BAZ2B: variants seen among roughly 807,000 people sequenced by gnomAD.
BAZ2B encodes the protein bromodomain adjacent to zinc finger domain protein 2B.
BAZ2B carries 91 observed loss-of-function variants against 246.0 expected under a neutral mutation model. That is an observed-to-expected ratio of 0.37 (90% CI 0.31 to 0.44). The LOEUF (loss-of-function observed/expected upper bound fraction) is 0.44. Ranked by LOEUF, BAZ2B falls within the 20% of genes least tolerant of loss-of-function variation. The pLI is 1.00. For missense variants in BAZ2B, 2,332 were observed against 2,533.7 expected, an observed-to-expected ratio of 0.92 and a Z score of 1.71; for synonymous variants, 855 against 860.0, an observed-to-expected ratio of 0.99 and a Z score of 0.10.
At chr2:159,646,075 T>C in the BAZ2B span, among the ~76,000 whole-genome samples, 2 of 152,164 alleles carry the variant, frequency 1.3e-5, no homozygotes, top group South Asian at 4.1e-4. Flanking sequence ...TTCCTCATCC[T>C]AATAAGCCTG....
the BAZ2B span, among the ~76,000 whole-genome samples, chr2:159,676,955 TATATATATATATATA>T: frequency 0.35 from 9,024 of 25,830 alleles, 678 homozygotes; most frequent in African/African-American, 0.42. Flanking sequence ...AGTTTTGTTA[TATATATATATATATA>T]TATATATATA....
chr2:159,389,309 T>C (rs750472066), intron 21 of BAZ2B, 36 bp downstream of exon 21: 21 of 1,523,154 alleles, frequency 1.4e-5, no homozygotes, highest in Non-Finnish European at 1.8e-5. Context: ...AAAATTAAAC[T>C]TATGAATGAA....
At chr2:159,414,403 T>TA (rs1449281995) in intron 13 of BAZ2B, among the ~76,000 whole-genome samples, 5 of 152,068 alleles carry the variant, frequency 3.3e-5, no homozygotes, top group Admixed American at 3.3e-4. Flanking sequence ...ATCATACATT[T>TA]AAAAAAACCT....
chr2:159,496,931 A>G (rs2151072469), intron 2 of BAZ2B, among the ~76,000 whole-genome samples: 1 of 151,928 alleles, frequency 6.6e-6, no homozygotes, highest in East Asian at 1.9e-4. Context: ...TAGGTGGTGT[A>G]TTATTTATTT....
At chr2:159,594,393 C>T (rs1690142029) in intron 1 of BAZ2B, among the ~76,000 whole-genome samples, 1 of 151,516 alleles carries the variant, frequency 6.6e-6, no homozygotes, top group Non-Finnish European at 1.5e-5. Context: ...GGCAACAGAG[C>T]GAGACTCCGT....
chr2:159,663,855 C>CTTTTTTTTT, the BAZ2B span, among the ~76,000 whole-genome samples: 3 of 92,488 alleles, frequency 3.2e-5, no homozygotes, highest in East Asian at 3.7e-4. Flanking sequence ...AAACCATTTT[C>CTTTTTTTTT]TTTTTTTTTT....
rs2074546787 is a variant in BAZ2B at position 159,448,279 on chromosome 2, C to T, written c.465G>A (p.Arg155=). Residue 155 remains arginine (R), a synonymous_variant, in exon 5 of 37, where the codon AGG becomes AGA. Transcript: ENST00000392783. ...QNHDSSSFHS[R]TSGKSNRNGP... is the part of the protein sequence containing the mutation. The stretch of plus-strand genomic sequence containing the variant: ...CATTTCGATTACTTTTTCCCGAAGT[C>T]CTTGAATGGAATGAAGAAGAATCAT... 6.2e-7 allele frequency: 1 copy of T among 1,612,474 alleles called. No homozygotes were observed. Among genetic ancestry groups the T allele is most frequent in the Non-Finnish European group, 8.5e-7 (1 of 1,179,638 alleles).
At position 159,383,424 on chromosome 2, in the gene BAZ2B, A is replaced by G. The variant is rs938186654; in HGVS notation, c.3761+182T>C. On this transcript the variant is annotated intron_variant, in intron 24 of 36. Coordinates refer to ENST00000392783, the MANE Select transcript of BAZ2B (RefSeq NM_013450.4). ...GAATATAAGCTCAATGAATCTCATT[A>G]TATCTTTTGTCCATTGCAAATTCTG... 4.6e-5 allele frequency among the ~76,000 whole-genome samples: 7 copies of G among 152,260 alleles called. No individual in the cohort carries two copies. In the South Asian group the frequency reaches 6.2e-4, roughly 13 times the overall value.
intron 33 of BAZ2B, among the ~76,000 whole-genome samples, chr2:159,335,557 A>C (rs985103316): frequency 6.6e-6 from 1 of 151,920 alleles, no homozygotes; most frequent in African/African-American, 2.4e-5. Flanking sequence ...AAAAAAAAAA[A>C]AAAAAATTAT....
chr2:159,651,781 T>C, the BAZ2B span, among the ~76,000 whole-genome samples: 14 of 152,298 alleles, frequency 9.2e-5, no homozygotes, highest in Admixed American at 1.3e-4. Flanking sequence ...ATATTTTATA[T>C]AAATGGAGCC....
intron 12 of BAZ2B, 44 bp downstream of exon 12, chr2:159,428,267 C>G: frequency 6.6e-7 from 1 of 1,516,766 alleles, no homozygotes; most frequent in East Asian, 2.3e-5. Context: ...CATGATCATG[C>G]TTAATAGGCA....
At chr2:159,464,062 T>C (rs2076743256) in intron 3 of BAZ2B, 1 of 152,194 alleles carries the variant, frequency 6.6e-6, no homozygotes, top group Non-Finnish European at 1.5e-5. Context: ...GTTGCAAAAA[T>C]AGTACACAGA....
intron 6 of BAZ2B, among the ~76,000 whole-genome samples, chr2:159,439,464 T>A (rs2072985958): frequency 6.6e-6 from 1 of 152,134 alleles, no homozygotes; most frequent in African/African-American, 2.4e-5. Flanking sequence ...TATGTGTAGA[T>A]GTACTCATAT....
chr2:159,644,071 C>T, the BAZ2B span, among the ~76,000 whole-genome samples: 34 of 152,134 alleles, frequency 2.2e-4, no homozygotes, highest in East Asian at 4.1e-3. Context: ...ATTATGCCAC[C>T]GCACTACAGA....
chr2:159,357,792 G>T (rs1186565301), intron 27 of BAZ2B, among the ~76,000 whole-genome samples: 3 of 152,176 alleles, frequency 2.0e-5, no homozygotes, highest in Admixed American at 2.0e-4. Flanking sequence ...CAAGCCAGAA[G>T]AGAGTTGGGG....
chr2:159,353,461 G>A (rs560306377), intron 27 of BAZ2B, among the ~76,000 whole-genome samples: 1 of 152,226 alleles, frequency 6.6e-6, no homozygotes, highest in African/African-American at 2.4e-5. Context: ...AATCCAGGTG[G>A]AGCCTGGCAA....
intron 34 of BAZ2B, among the ~76,000 whole-genome samples, chr2:159,330,341 A>T (rs1401442809): frequency 1.3e-5 from 2 of 152,198 alleles, no homozygotes; most frequent in Admixed American, 1.3e-4. Context: ...ATCGATGAAG[A>T]TTTGAGAAGA....
intron 2 of BAZ2B, among the ~76,000 whole-genome samples, chr2:159,517,776 A>G (rs373218041): frequency 4.4e-4 from 67 of 152,334 alleles, no homozygotes; most frequent in African/African-American, 1.6e-3. Flanking sequence ...AGGTCTCATT[A>G]CATATACGTA....
chr2:159,459,926 T>C (rs2076209797), intron 3 of BAZ2B: 3 of 152,112 alleles, frequency 2.0e-5, no homozygotes, highest in Non-Finnish European at 4.4e-5. Flanking sequence ...TAAAATAATA[T>C]TTTTAGAAGA....
Sources: gnomAD v4.1 joint callset for allele counts (sites outside exome capture counted in the v4.1 genomes callset) on GRCh38, gnomAD v4.1.1 for gene constraint, MANE v1.5 for transcripts, NCBI Gene and HGNC (gene_info 2026-07-23, HGNC 2026-07-21) for gene names.